Variants in CDH8 observed in about 807,000 individuals in gnomAD.
CDH8 encodes the protein cadherin 8.
Under a neutral mutation model 68.1 loss-of-function variants are expected in CDH8, and 17 were observed. The ratio of observed to expected loss-of-function variants is 0.25; its 90% CI spans 0.17 to 0.37. The LOEUF is 0.37. CDH8 is among the 10% of genes least tolerant of loss of function. CDH8 has a pLI of 1.00. For synonymous variants in CDH8, 372 were observed against 365.1 expected, an observed-to-expected ratio of 1.02 and a Z score of -0.21; for missense variants, 763 against 999.3, an observed-to-expected ratio of 0.76 and a Z score of 3.19.
intron 8 of CDH8, among the ~76,000 whole-genome samples, chr16:61,732,457 T>C (rs778980576): frequency 2.0e-5 from 3 of 151,928 alleles, no homozygotes; most frequent in Non-Finnish European, 2.9e-5. Context: ...GAGAAAACAG[T>C]AGGATAACTT....
In CDH8 at chr16:62,010,792, A is replaced by T. The variant is rs1031572481; in HGVS notation, c.252+10360T>A. ...GATCTCTACTAAAAATACAAAAAAA[A>T]ATTAGCCGGCCATGGTGGCATATGC... On this transcript the variant is annotated intron_variant, in intron 2 of 11. Coordinates refer to ENST00000577390, the MANE Select transcript of CDH8 (RefSeq NM_001796.5). Among the ~76,000 whole-genome samples the T allele has an allele frequency of 7.9e-5, 12 of 151,998 alleles. No homozygotes were observed. In the East Asian group the frequency reaches 1.2e-3, roughly 15 times the overall value.
At chr16:61,877,678 CA>C (rs1427190773) in intron 3 of CDH8, among the ~76,000 whole-genome samples, 1 of 151,954 alleles carries the variant, frequency 6.6e-6, no homozygotes, top group African/African-American at 2.4e-5. Flanking sequence ...ATATGTCACA[CA>C]AATTCACACA....
At chr16:61,712,085 A>C (rs1234576192) in intron 10 of CDH8, among the ~76,000 whole-genome samples, 2 of 151,792 alleles carry the variant, frequency 1.3e-5, no homozygotes, top group African/African-American at 4.8e-5. Context: ...GATAATCCAC[A>C]TGACATTAAG....
chr16:61,917,062 AGTGTGTGTGTGTGTGTGT>A (rs57232370), intron 2 of CDH8, among the ~76,000 whole-genome samples: 11 of 137,288 alleles, frequency 8.0e-5, no homozygotes, highest in African/African-American at 2.7e-4. Flanking sequence ...TTTACCTATT[AGTGTGTGTGTGTGTGTGT>A]GTGTGTGTGT....
At chr16:61,740,581 C>A (rs950848024) in intron 8 of CDH8, among the ~76,000 whole-genome samples, 1 of 152,104 alleles carries the variant, frequency 6.6e-6, no homozygotes, top group Non-Finnish European at 1.5e-5. Flanking sequence ...CTCAAGATAA[C>A]CTCTACTTGG....
chr16:61,856,866 C>G (rs1159766957), intron 4 of CDH8, among the ~76,000 whole-genome samples: 1 of 152,112 alleles, frequency 6.6e-6, no homozygotes, highest in Non-Finnish European at 1.5e-5. Flanking sequence ...ACATTCTTCC[C>G]TTTATTCCAG....
chr16:61,857,057 A>C, intron 4 of CDH8, 62 bp downstream of exon 4: 1 of 1,595,676 alleles, frequency 6.3e-7, no homozygotes, highest in Non-Finnish European at 8.6e-7. Flanking sequence ...CCCAAATCCC[A>C]AGAAAAGCAT....
intron 10 of CDH8, among the ~76,000 whole-genome samples, chr16:61,695,544 C>T (rs1964308520): frequency 1.3e-5 from 2 of 152,100 alleles, no homozygotes; most frequent in Non-Finnish European, 1.5e-5. Flanking sequence ...TCCTGAGCAC[C>T]ATAGGATGTT....
intron 2 of CDH8, among the ~76,000 whole-genome samples, chr16:61,977,447 A>G (rs1174030484): frequency 6.6e-6 from 1 of 152,164 alleles, no homozygotes; most frequent in African/African-American, 2.4e-5. Context: ...ATTTCTCCCC[A>G]TGATTTGTGT....
intron 2 of CDH8, among the ~76,000 whole-genome samples, chr16:61,987,905 T>C (rs911458646): frequency 6.6e-6 from 1 of 152,296 alleles, no homozygotes; most frequent in East Asian, 1.9e-4. Flanking sequence ...CCTTATGAGG[T>C]ACGTAATATC....
chr16:61,694,429 G>A (rs1017476786), intron 10 of CDH8, among the ~76,000 whole-genome samples: 1 of 152,150 alleles, frequency 6.6e-6, no homozygotes, highest in African/African-American at 2.4e-5. Flanking sequence ...GTCTTGGATA[G>A]TCATAATGGG....
At chr16:62,004,653 A>G (rs1965944471) in intron 2 of CDH8, among the ~76,000 whole-genome samples, 1 of 152,248 alleles carries the variant, frequency 6.6e-6, no homozygotes, top group Non-Finnish European at 1.5e-5. Context: ...GTGAATTTGT[A>G]TACCTCCTGG....
chr16:61,787,204 T>C (rs1961246410), intron 8 of CDH8, among the ~76,000 whole-genome samples: 2 of 151,620 alleles, frequency 1.3e-5, no homozygotes, highest in African/African-American at 2.4e-5. Flanking sequence ...GACAAAGGGC[T>C]AATATCCGGA....
At chr16:61,679,230 CA>C (rs1399944586) in intron 10 of CDH8, among the ~76,000 whole-genome samples, 15 of 151,976 alleles carry the variant, frequency 9.9e-5, no homozygotes, top group Non-Finnish European at 2.9e-5. Context: ...GAACAATGAG[CA>C]AGGATGTTGG....
At chr16:61,671,079 A>G (rs1414508790) in intron 10 of CDH8, among the ~76,000 whole-genome samples, 2 of 152,116 alleles carry the variant, frequency 1.3e-5, no homozygotes, top group African/African-American at 4.8e-5. Context: ...CTTGGGTCTG[A>G]GCATATATTC....
At chr16:61,953,919 ATATATAT>A (rs1964939257) in intron 2 of CDH8, among the ~76,000 whole-genome samples, 3 of 143,942 alleles carry the variant, frequency 2.1e-5, no homozygotes, top group South Asian at 2.1e-4. Context: ...ATATATATAT[ATATATAT>A]AAAATACCTT....
intron 9 of CDH8, among the ~76,000 whole-genome samples, chr16:61,715,144 T>C (rs1469593328): frequency 6.6e-6 from 1 of 151,644 alleles, no homozygotes; most frequent in African/African-American, 2.4e-5. Flanking sequence ...CTTTTTAAAA[T>C]GGAACATAAT....
At chr16:61,768,356 C>CACTT (rs1960667397) in intron 8 of CDH8, among the ~76,000 whole-genome samples, 1 of 112,150 alleles carries the variant, frequency 8.9e-6, no homozygotes. Context: ...CTCTCTCTCT[C>CACTT]TCTCTCTCTC....
chr16:62,001,520 A>G (rs1240108404), intron 2 of CDH8, among the ~76,000 whole-genome samples: 2 of 152,138 alleles, frequency 1.3e-5, no homozygotes, highest in Non-Finnish European at 2.9e-5. Context: ...CAAGCTATAC[A>G]TTCCACTTTT....
Sources: gnomAD v4.1 joint callset for allele counts (sites outside exome capture counted in the v4.1 genomes callset) on GRCh38, gnomAD v4.1.1 for gene constraint, MANE v1.5 for transcripts, NCBI Gene and HGNC (gene_info 2026-07-23, HGNC 2026-07-21) for gene names.